The following PSD3 variants were observed in gnomAD, a reference collection of about 807,000 sequenced individuals.
PSD3 encodes PH and SEC7 domain-containing protein 3.
In PSD3, 49 loss-of-function variants were observed where a neutral mutation model predicts 105.5. That is an observed-to-expected ratio of 0.46 (90% CI 0.37 to 0.59). The LOEUF is 0.59. Among genes scored for constraint, PSD3 ranks in the 20% least tolerant of loss-of-function variants. The pLI is 0.00. For missense variants in PSD3, 1,561 were observed against 1,263.8 expected, an observed-to-expected ratio of 1.24 and a Z score of -3.57; for synonymous variants, 557 against 457.8, an observed-to-expected ratio of 1.22 and a Z score of -2.77.
chr8:18,725,857 A>G (rs989360274), intron 9 of PSD3, among the ~76,000 whole-genome samples: 2 of 152,192 alleles, frequency 1.3e-5, no homozygotes, highest in South Asian at 4.1e-4. Context: ...TAGTGGCACC[A>G]ATGGCAATGA....
intron 1 of PSD3, among the ~76,000 whole-genome samples, chr8:19,028,367 T>C (rs1486239278): frequency 6.8e-6 from 1 of 147,090 alleles, no homozygotes; most frequent in African/African-American, 2.5e-5. Flanking sequence ...TCTACCTTTT[T>C]TTGGAGTTGG....
chr8:18,844,016 A>G (rs1319114755), intron 4 of PSD3, among the ~76,000 whole-genome samples: 1 of 151,908 alleles, frequency 6.6e-6, no homozygotes, highest in Non-Finnish European at 1.5e-5. Flanking sequence ...GGTTAACCCT[A>G]CACAAGGTTC....
At chr8:18,796,883 C>T (rs1241429872) in intron 8 of PSD3, among the ~76,000 whole-genome samples, 1 of 152,026 alleles carries the variant, frequency 6.6e-6, no homozygotes, top group African/African-American at 2.4e-5. Context: ...GGTAGTATAG[C>T]ATTAAGGAGA....
intron 1 of PSD3, among the ~76,000 whole-genome samples, chr8:19,028,874 G>A (rs1056951970): frequency 6.6e-6 from 1 of 152,060 alleles, no homozygotes; most frequent in Non-Finnish European, 1.5e-5. Context: ...ATGAGTTAAG[G>A]GTGGAGTTTC....
intron 9 of PSD3, among the ~76,000 whole-genome samples, chr8:18,755,581 T>C (rs1805969457): frequency 6.6e-6 from 1 of 152,148 alleles, no homozygotes; most frequent in African/African-American, 2.4e-5. Flanking sequence ...AAAATAAATT[T>C]CAATATAAAT....
chr8:18,779,090 TTC>T (rs1459129607), intron 8 of PSD3, among the ~76,000 whole-genome samples: 6 of 152,146 alleles, frequency 3.9e-5, no homozygotes, highest in Middle Eastern at 3.2e-3. Context: ...GCTCAAGCTT[TTC>T]TCTGTTAGAA....
chr8:18,750,736 G>T lies in PSD3; in HGVS notation c.2172+14713C>A, dbSNP rs572595999. Among the ~76,000 whole-genome samples, 419 of 152,048 alleles carry T rather than the reference G, an allele frequency of 2.8e-3. 1 individual carries two copies. Among genetic ancestry groups the T allele is most frequent in the Non-Finnish European group, 4.1e-3 (281 of 67,984 alleles). On this transcript the variant is annotated intron_variant, in intron 9 of 15. Coordinates refer to ENST00000327040, the MANE Select transcript of PSD3 (RefSeq NM_015310.4). Reference sequence around the variant, plus strand: ...GGAGCTAGATACAAAGGTTCTCCACGTCCCCATCAGATTAGTTAGATACAG... The same window carrying T: ...GGAGCTAGATACAAAGGTTCTCCACTTCCCCATCAGATTAGTTAGATACAG...
At chr8:18,592,011 T>A (rs1803648845) in intron 12 of PSD3, among the ~76,000 whole-genome samples, 1 of 152,022 alleles carries the variant, frequency 6.6e-6, no homozygotes, top group African/African-American at 2.4e-5. Flanking sequence ...CAGATCCCAA[T>A]ACAGCTACAA....
intron 1 of PSD3, among the ~76,000 whole-genome samples, chr8:19,040,104 A>G (rs1270170925): frequency 6.6e-6 from 1 of 152,258 alleles, no homozygotes; most frequent in East Asian, 1.9e-4. Flanking sequence ...AGGAAAAGAC[A>G]GCATGGGTTG....
chr8:18,866,435 C>T (rs1232499731), intron 4 of PSD3, among the ~76,000 whole-genome samples: 1 of 152,174 alleles, frequency 6.6e-6, no homozygotes, highest in Non-Finnish European at 1.5e-5. Flanking sequence ...CTCTATTAAC[C>T]CTTTAAATCT....
intron 1 of PSD3, among the ~76,000 whole-genome samples, chr8:19,042,740 T>C (rs979683973): frequency 1.3e-5 from 2 of 152,246 alleles, no homozygotes; most frequent in African/African-American, 4.8e-5. Flanking sequence ...GAGCACAGAC[T>C]TGGGCATCTT....
At chr8:18,750,523 T>C (rs1805389287) in intron 9 of PSD3, among the ~76,000 whole-genome samples, 1 of 152,076 alleles carries the variant, frequency 6.6e-6, no homozygotes, top group African/African-American at 2.4e-5. Context: ...GAGTGAGCAG[T>C]AGCAAGATTT....
In PSD3 at chr8:18,872,131, C is replaced by T. The variant is rs769290623; in HGVS notation, c.733G>A (p.Glu245Lys). 1 of 1,613,954 alleles carries T rather than the reference C, an allele frequency of 6.2e-7. No homozygotes were observed. Among genetic ancestry groups the T allele is most frequent in the East Asian group, 2.2e-5 (1 of 44,884 alleles). Residue 245 changes from glutamate (E) to lysine (K), a missense_variant, in exon 3 of 16, where the codon GAG (glutamate) becomes AAG (lysine). By Grantham distance (56) the Glu-to-Lys change is moderately conservative. Coordinates refer to ENST00000327040, the MANE Select transcript of PSD3 (RefSeq NM_015310.4). Reference protein sequence around the residue: ...NGRKGAVCVQEPSCPLASLGS... With the variant: ...NGRKGAVCVQKPSCPLASLGS... ...AGGGAGGCCAAAGGACAAGATGGCT[C>T]CTGCACACAGACAGCCCCTTTCCTC...
chr8:18,850,135 G>A (rs780068057), intron 4 of PSD3, among the ~76,000 whole-genome samples: 11 of 152,232 alleles, frequency 7.2e-5, no homozygotes, highest in Non-Finnish European at 1.6e-4. Flanking sequence ...ATAATAAAGA[G>A]CTTGAGAAAA....
At chr8:18,786,241 T>C (rs1392252281) in intron 8 of PSD3, among the ~76,000 whole-genome samples, 1 of 152,108 alleles carries the variant, frequency 6.6e-6, no homozygotes, top group Non-Finnish European at 1.5e-5. Context: ...GAAGAAGAGA[T>C]ACTATTTAAA....
chr8:18,944,239 G>A (rs1042243044), intron 1 of PSD3, among the ~76,000 whole-genome samples: 2 of 152,032 alleles, frequency 1.3e-5, no homozygotes, highest in African/African-American at 4.8e-5. Context: ...TGATCTGCCA[G>A]GTTTCACCAC....
intron 9 of PSD3, among the ~76,000 whole-genome samples, chr8:18,671,832 C>CT (rs1799801524): frequency 6.6e-6 from 1 of 152,028 alleles, no homozygotes; most frequent in Non-Finnish European, 1.5e-5. Flanking sequence ...GGGGTTTCAC[C>CT]GTGTTAGCCA....
intron 9 of PSD3, among the ~76,000 whole-genome samples, chr8:18,699,485 T>C (rs985162849): frequency 1.3e-4 from 20 of 152,220 alleles, no homozygotes; most frequent in Non-Finnish European, 2.9e-4. Context: ...TTTCTTGAGC[T>C]TATTTTCAGG....
intron 9 of PSD3, among the ~76,000 whole-genome samples, chr8:18,736,070 G>A (rs149271135): frequency 5.3e-5 from 8 of 152,136 alleles, no homozygotes; most frequent in African/African-American, 1.7e-4. Flanking sequence ...TTAAAACAAC[G>A]TAGAATTCCA....
Sources: gnomAD v4.1 joint callset for allele counts (sites outside exome capture counted in the v4.1 genomes callset) on GRCh38, gnomAD v4.1.1 for gene constraint, MANE v1.5 for transcripts, NCBI Gene and HGNC (gene_info 2026-07-23, HGNC 2026-07-21) for gene names.